The following DNAH14 variants were observed in gnomAD, a reference collection of about 807,000 sequenced individuals.
DNAH14 encodes axonemal beta dynein heavy chain 14.
A neutral mutation model predicts 520.9 loss-of-function variants in DNAH14; 478 were observed. The ratio of observed to expected loss-of-function variants is 0.92; its 90% confidence interval spans 0.85 to 0.99. The LOEUF is 0.99. DNAH14 is among the 50% of genes least tolerant of loss of function. The pLI, the probability that DNAH14 is intolerant of heterozygous loss-of-function variation, is 0.00. For synonymous variants in DNAH14, 1,581 were observed against 1,757.2 expected (o/e 0.90, Z 2.51); for missense variants, 4,831 against 5,234.5 (o/e 0.92, Z 2.38).
At chr1:224,973,807 A>T (rs1353604883) in intron 7 of DNAH14, among the ~76,000 whole-genome samples, 1 of 152,168 alleles carries the variant, frequency 6.6e-6, no homozygotes, top group East Asian at 1.9e-4. Context: ...ATAAAGGAAA[A>T]CGGTATTTTA....
At chr1:224,942,231 G>A (rs9426095) in intron 1 of DNAH14, among the ~76,000 whole-genome samples, 14,338 of 151,932 alleles carry the variant, frequency 0.094, 2,127 homozygotes, top group African/African-American at 0.32. Flanking sequence ...CACATCCCTT[G>A]TAAGTTGGAT....
chr1:225,392,498 CATTT>C (rs1304499878), intron 84 of DNAH14, 47 bp downstream of exon 84: 2 of 1,541,078 alleles, frequency 1.3e-6, no homozygotes, highest in Admixed American at 2.0e-5. Context: ...TTCATTCATT[CATTT>C]ATTCATTCAA....
At chr1:225,384,014 G>C (rs1364103879) in intron 81 of DNAH14, among the ~76,000 whole-genome samples, 1 of 152,174 alleles carries the variant, frequency 6.6e-6, no homozygotes, top group Non-Finnish European at 1.5e-5. Flanking sequence ...TCATTCAGGA[G>C]CAGGATGTTC....
chr1:225,310,090 G>T, intron 60 of DNAH14, among the ~76,000 whole-genome samples: 1 of 151,068 alleles, frequency 6.6e-6, no homozygotes, highest in South Asian at 2.1e-4. Flanking sequence ...TAAGAGTACG[G>T]CTTAATTTCA....
In DNAH14 at chr1:225,300,949, T is replaced by C. The variant is rs1296853648; in HGVS notation, c.8550T>C (p.Ser2850=). 1.3e-6 allele frequency: 2 copies of C among 1,551,482 alleles called. No homozygotes were observed. Among genetic ancestry groups the C allele is most frequent in the African/African-American group, 2.7e-5 (2 of 73,182 alleles). ...PDLFENVELD[S]IAMKIRYLTE... ...TGTTTGAAAATGTTGAGCTGGATTC[T>C]ATTGCAATGAAAATCAGATATCTTA... Residue 2850 remains serine (S), a synonymous_variant, in exon 56 of 86, where the codon TCT becomes TCC. Coordinates refer to ENST00000682510, the MANE Select transcript of DNAH14 (RefSeq NM_001367479.1).
intron 74 of DNAH14, among the ~76,000 whole-genome samples, chr1:225,360,058 C>T (rs2095475642): frequency 6.6e-6 from 1 of 152,186 alleles, no homozygotes; most frequent in Non-Finnish European, 1.5e-5. Flanking sequence ...TCCATGTGTT[C>T]TCATTGCTCA....
intron 10 of DNAH14, among the ~76,000 whole-genome samples, chr1:225,013,309 C>G (rs2064951800): frequency 6.6e-6 from 1 of 152,072 alleles, no homozygotes; most frequent in Non-Finnish European, 1.5e-5. Context: ...TGCAGAACAG[C>G]AAAGATTGCT....
chr1:225,378,755 C>T (rs2095738087), intron 79 of DNAH14, among the ~76,000 whole-genome samples: 1 of 151,808 alleles, frequency 6.6e-6, no homozygotes, highest in Admixed American at 6.6e-5. Flanking sequence ...GTGGTGAGCA[C>T]CTGTAATCCC....
At chr1:225,069,156 C>A (rs1368913908) in intron 17 of DNAH14, among the ~76,000 whole-genome samples, 1 of 152,158 alleles carries the variant, frequency 6.6e-6, no homozygotes, top group East Asian at 1.9e-4. Flanking sequence ...ATGCCATCTG[C>A]AAACAGGGAT....
At chr1:225,000,594 G>A (rs1331351379) in intron 8 of DNAH14, among the ~76,000 whole-genome samples, 4 of 148,660 alleles carry the variant, frequency 2.7e-5, no homozygotes, top group Admixed American at 6.7e-5. Flanking sequence ...TTTTTCTGAG[G>A]TGGGATCTCA....
intron 41 of DNAH14, among the ~76,000 whole-genome samples, chr1:225,212,290 T>G (rs2088563502): frequency 6.6e-6 from 1 of 152,060 alleles, no homozygotes; most frequent in South Asian, 2.1e-4. Flanking sequence ...CATATTTTCT[T>G]AATCCAGTCT....
chr1:225,034,498 A>G (rs753935023), intron 11 of DNAH14, among the ~76,000 whole-genome samples: 5 of 140,950 alleles, frequency 3.5e-5, no homozygotes, highest in Non-Finnish European at 7.5e-5. Flanking sequence ...ATATTCATCA[A>G]GGATATTGGC....
intron 19 of DNAH14, among the ~76,000 whole-genome samples, chr1:225,082,171 G>GGTGTGT (rs56658194): frequency 0.011 from 1,601 of 145,306 alleles, 31 homozygotes; most frequent in African/African-American, 0.037. Flanking sequence ...GAATGTTTGT[G>GGTGTGT]GTGTGTGTGT....
intron 39 of DNAH14, 117 bp downstream of exon 39, chr1:225,204,390 C>A (rs757608078): frequency 1.7e-6 from 1 of 591,008 alleles, no homozygotes; most frequent in Non-Finnish European, 2.8e-6. Context: ...TGTTCCTGTA[C>A]CATTTATTTG....
At chr1:225,370,822 T>A (rs1420085096) in intron 77 of DNAH14, among the ~76,000 whole-genome samples, 1 of 152,164 alleles carries the variant, frequency 6.6e-6, no homozygotes, top group East Asian at 1.9e-4. Context: ...ATTGGATTTT[T>A]AAAATTCTTT....
chr1:224,975,903 C>T (rs2061796651), intron 8 of DNAH14, among the ~76,000 whole-genome samples: 1 of 151,862 alleles, frequency 6.6e-6, no homozygotes. Flanking sequence ...TTGAATGTGT[C>T]CCAGAGATTC....
At chr1:225,308,485 T>G in intron 60 of DNAH14, 75 bp downstream of exon 60, 1 of 1,408,840 alleles carries the variant, frequency 7.1e-7, no homozygotes, top group Non-Finnish European at 9.4e-7. Flanking sequence ...AATTTAAAAG[T>G]CAGACTGACT....
chr1:225,282,087 G>T (rs1418861136), intron 54 of DNAH14, among the ~76,000 whole-genome samples: 1 of 152,180 alleles, frequency 6.6e-6, no homozygotes, highest in East Asian at 1.9e-4. Context: ...CTAAATATAT[G>T]TGTAGTTTTT....
intron 51 of DNAH14, 57 bp downstream of exon 51, chr1:225,272,130 A>C: frequency 3.1e-5 from 45 of 1,452,146 alleles, no homozygotes; most frequent in East Asian, 1.7e-4. Flanking sequence ...GCTCTCTCTC[A>C]TACTGTCAAC....
Sources: allele counts gnomAD v4.1 joint callset (sites outside exome capture counted in the v4.1 genomes callset), GRCh38; gene constraint gnomAD v4.1.1; transcripts MANE v1.5; gene names NCBI Gene and HGNC (gene_info 2026-07-23, HGNC 2026-07-21).